The following BCAS3 variants were observed in gnomAD, a reference collection of about 807,000 sequenced individuals.
BCAS3 encodes the protein BCAS4/BCAS3 fusion.
BCAS3 carries 53 observed loss-of-function variants against 116.1 expected under a neutral mutation model. The ratio of observed to expected loss-of-function variants is 0.46; its 90% confidence interval spans 0.37 to 0.57. BCAS3 has a LOEUF of 0.57. Among genes scored for constraint, BCAS3 ranks in the 20% least tolerant of loss-of-function variants. BCAS3 has a pLI of 0.00. For synonymous variants in BCAS3, 391 were observed against 408.2 expected, an observed-to-expected ratio of 0.96 and a Z score of 0.51; for missense variants, 917 against 1,165.4, an observed-to-expected ratio of 0.79 and a Z score of 3.10.
At chr17:61,038,533 G>A (rs1161491956) in intron 18 of BCAS3, among the ~76,000 whole-genome samples, 5 of 151,838 alleles carry the variant, frequency 3.3e-5, no homozygotes, top group Non-Finnish European at 7.4e-5. Context: ...AATTACAGGC[G>A]TGAGCAACCG....
chr17:60,711,434 A>G (rs1045975313), intron 5 of BCAS3, among the ~76,000 whole-genome samples: 2 of 151,742 alleles, frequency 1.3e-5, no homozygotes, highest in Non-Finnish European at 2.9e-5. Context: ...TAGAGACTAC[A>G]TTTTGCTTCA....
At chr17:61,232,217 A>AG (rs1240276843) in intron 22 of BCAS3, among the ~76,000 whole-genome samples, 3 of 151,502 alleles carry the variant, frequency 2.0e-5, no homozygotes, top group Non-Finnish European at 2.9e-5. Context: ...AAAAAAAAAA[A>AG]AAAAGAAAGA....
chr17:60,883,108 T>C (rs2056334118), intron 9 of BCAS3, among the ~76,000 whole-genome samples: 1 of 141,034 alleles, frequency 7.1e-6, no homozygotes, highest in Non-Finnish European at 1.5e-5. Context: ...TGTATCCTCT[T>C]TTATTTCCTT....
rs146460568 is a variant in BCAS3 at position 60,842,816 on chromosome 17, T to C, written c.477-25760T>C. ...AGGCTGGCTTTCATTTGAAAGATAA[T>C]TATTTCCTAATAATACTGACTTTGT... On this transcript the variant is annotated intron_variant, in intron 7 of 23. Coordinates refer to ENST00000407086, the MANE Select transcript of BCAS3 (RefSeq NM_017679.5). Among the ~76,000 whole-genome samples the C allele has an allele frequency of 2.0e-3, 298 of 152,126 alleles. 2 individuals carry two copies. The highest frequency in any genetic ancestry group is 2.8e-3 in the Non-Finnish European group (189 of 67,988).
intron 6 of BCAS3, among the ~76,000 whole-genome samples, chr17:60,806,223 G>A (rs1180065664): frequency 6.6e-6 from 1 of 152,024 alleles, no homozygotes. Context: ...TGACATTTAT[G>A]GAAAGGTATC....
chr17:61,236,788 G>A (rs1602097807), intron 22 of BCAS3, among the ~76,000 whole-genome samples: 2 of 151,936 alleles, frequency 1.3e-5, no homozygotes, highest in East Asian at 3.9e-4. Context: ...GCTTTTTGGA[G>A]AAGGTATGAT....
chr17:61,142,368 G>A (rs2076971365), intron 22 of BCAS3, among the ~76,000 whole-genome samples: 1 of 152,170 alleles, frequency 6.6e-6, no homozygotes. Context: ...GGTAATGGAG[G>A]AATACTGATC....
intron 14 of BCAS3, among the ~76,000 whole-genome samples, chr17:60,975,482 A>G (rs2062279034): frequency 6.6e-6 from 1 of 152,244 alleles, no homozygotes; most frequent in Non-Finnish European, 1.5e-5. Flanking sequence ...AGGCTATAGA[A>G]CTTCACTTTC....
intron 13 of BCAS3, among the ~76,000 whole-genome samples, chr17:60,943,896 G>A (rs2060348413): frequency 6.6e-6 from 1 of 151,876 alleles, no homozygotes; most frequent in South Asian, 2.1e-4. Context: ...AATAACCCAC[G>A]AGCAAAAGAC....
Position 61,200,862 on chromosome 17 carries a change from A to G in BCAS3, c.2425+116298A>G, listed in dbSNP as rs1485239389. Among the ~76,000 whole-genome samples the G allele has an allele frequency of 2.0e-5, 3 of 152,158 alleles. No individual in the cohort carries two copies. Among genetic ancestry groups the G allele is most frequent in the Non-Finnish European group, 4.4e-5 (3 of 68,044 alleles). On this transcript the variant is annotated intron_variant, in intron 22 of 23. Transcript: ENST00000407086. The surrounding 1 kb of genome is among the most constrained non-coding windows in gnomAD (Gnocchi z 5.1). ...GGCTACCTTTCCTCTTTCCTGCCTC[A>G]TCCAAACAGTCTCCATTAGAAATAA...
rs1337579788 is a variant in BCAS3 at position 61,376,761 on chromosome 17, A to G, written c.2593+8267A>G. On this transcript the variant is annotated intron_variant, in intron 23 of 23. Coordinates refer to ENST00000407086, the MANE Select transcript of BCAS3 (RefSeq NM_017679.5). The surrounding 1 kb of genome is among the most constrained non-coding windows in gnomAD (Gnocchi z 4.5). ...AATTGCACCTGTCTCAGCAAATGCT[A>G]TCACCCAAGCAACTTAGCCAGAACC... Among the ~76,000 whole-genome samples, 8 of 152,198 alleles carry G rather than the reference A, an allele frequency of 5.3e-5. No individual in the cohort carries two copies. Among genetic ancestry groups the G allele is most frequent in the African/African-American group, 1.4e-4 (6 of 41,448 alleles).
In BCAS3 at chr17:61,276,583, CA is replaced by C. The variant is rs1370514207; in HGVS notation, c.2426-91740del. ...TACTCCATGTTTATAGATCAGAAGACAAAATTGTTAAGACGGCAGTGCTCCC... is the reference window on the plus strand; with the variant it reads ...TACTCCATGTTTATAGATCAGAAGACAAATTGTTAAGACGGCAGTGCTCCC... On this transcript the variant is annotated intron_variant, in intron 22 of 23. Coordinates refer to ENST00000407086, the MANE Select transcript of BCAS3 (RefSeq NM_017679.5). The surrounding 1 kb of genome is among the most constrained non-coding windows in gnomAD (Gnocchi z 4.2). 6.6e-6 allele frequency among the ~76,000 whole-genome samples: 1 copy of C among 152,092 alleles called. No individual in the cohort carries two copies. Among genetic ancestry groups the C allele is most frequent in the African/African-American group, 2.4e-5 (1 of 41,422 alleles).
chr17:60,959,084 C>T (rs1383157698), intron 14 of BCAS3, among the ~76,000 whole-genome samples: 1 of 151,994 alleles, frequency 6.6e-6, no homozygotes, highest in Non-Finnish European at 1.5e-5. Context: ...GTGGGAGGAT[C>T]GGTTGACCCC....
intron 4 of BCAS3, among the ~76,000 whole-genome samples, chr17:60,695,905 G>T (rs1425747752): frequency 6.6e-6 from 1 of 151,930 alleles, no homozygotes; most frequent in East Asian, 1.9e-4. Flanking sequence ...GGCTCATAGG[G>T]GATTTAAAAA....
At position 61,241,287 on chromosome 17, in the gene BCAS3, C is replaced by T. The variant is rs1303571096; in HGVS notation, c.2426-127040C>T. ...GAAGCTAGTGAGTGAGCCTGTTTAC[C>T]ACCAAGTACCCACGTCTTCCTTTGG... On this transcript the variant is annotated intron_variant, in intron 22 of 23. Coordinates refer to ENST00000407086, the MANE Select transcript of BCAS3 (RefSeq NM_017679.5). This position sits in a 1 kb window ranked among gnomAD's most constrained non-coding sequence, Gnocchi z 4.6. Among the ~76,000 whole-genome samples the T allele has an allele frequency of 6.6e-6, 1 of 152,090 alleles. No homozygotes were observed. Among genetic ancestry groups the T allele is most frequent in the Non-Finnish European group, 1.5e-5 (1 of 68,006 alleles).
chr17:60,812,656 A>T (rs1451844258), intron 7 of BCAS3, among the ~76,000 whole-genome samples: 1 of 152,188 alleles, frequency 6.6e-6, no homozygotes. Context: ...CTTGAGTGCT[A>T]TCAACAATCC....
intron 22 of BCAS3, among the ~76,000 whole-genome samples, chr17:61,304,005 C>T (rs2053647159): frequency 1.3e-5 from 2 of 152,220 alleles, no homozygotes; most frequent in Non-Finnish European, 2.9e-5. Context: ...CAGTCTGTAA[C>T]ACCACCATCC....
intron 4 of BCAS3, among the ~76,000 whole-genome samples, chr17:60,692,506 T>G (rs545627784): frequency 1.3e-5 from 2 of 152,270 alleles, no homozygotes; most frequent in South Asian, 4.1e-4. Flanking sequence ...CCTCCCAAAG[T>G]GCTGGGATTA....
intron 6 of BCAS3, among the ~76,000 whole-genome samples, chr17:60,757,878 A>G (rs2043153511): frequency 2.0e-5 from 3 of 152,032 alleles, no homozygotes; most frequent in African/African-American, 7.2e-5. Context: ...TATATTTAGT[A>G]GTCTTACTGT....
Sources: gnomAD v4.1 joint callset for allele counts (sites outside exome capture counted in the v4.1 genomes callset) on GRCh38, gnomAD v4.1.1 for gene constraint, Gnocchi (gnomAD v3.1) non-coding constraint, MANE v1.5 for transcripts, NCBI Gene and HGNC (gene_info 2026-07-23, HGNC 2026-07-21) for gene names.